The following FYB1 variants were observed in gnomAD, a reference collection of about 807,000 sequenced individuals.
FYB1 encodes the protein FYN-binding protein 1.
Under a neutral mutation model 94.1 loss-of-function variants are expected in FYB1, and 41 were observed. That is an observed-to-expected ratio of 0.44 (90% confidence interval 0.34 to 0.57). FYB1 has a LOEUF of 0.57. Ranked by LOEUF, FYB1 falls within the 20% of genes least tolerant of loss-of-function variation. The pLI, the probability that FYB1 is intolerant of heterozygous loss-of-function variation, is 0.02. For synonymous variants in FYB1, 367 were observed against 353.2 expected, an observed-to-expected ratio of 1.04 and a Z score of -0.44; for missense variants, 1,050 against 976.8, an observed-to-expected ratio of 1.07 and a Z score of -1.00.
intron 12 of FYB1, 96 bp downstream of exon 12, chr5:39,125,902 C>T: frequency 8.3e-7 from 1 of 1,211,716 alleles, no homozygotes; most frequent in Non-Finnish European, 1.1e-6. Context: ...TTAAGTCTAT[C>T]AGAATTTGGT....
chr5:39,223,240 T>G (rs1326348511), upstream of FYB1, among the ~76,000 whole-genome samples: 1 of 152,182 alleles, frequency 6.6e-6, no homozygotes, highest in East Asian at 1.9e-4. Context: ...GGAGAATTAA[T>G]GTAAGACTTT....
intron 1 of FYB1, among the ~76,000 whole-genome samples, chr5:39,258,645 A>G (rs1322868730): frequency 1.3e-5 from 2 of 152,122 alleles, no homozygotes; most frequent in Non-Finnish European, 2.9e-5. Flanking sequence ...ACAAAAACCC[A>G]GAAGATATGG....
At chr5:39,209,309 G>C (rs1028747707) in intron 1 of FYB1, among the ~76,000 whole-genome samples, 3 of 148,184 alleles carry the variant, frequency 2.0e-5, no homozygotes, top group Non-Finnish European at 3.0e-5. Flanking sequence ...TTTTTATCCC[G>C]ATTAACACTG....
intron 3 of FYB1, among the ~76,000 whole-genome samples, chr5:39,145,922 C>CT (rs200987059): frequency 0.069 from 9,747 of 140,400 alleles, 430 homozygotes; most frequent in East Asian, 0.21. Flanking sequence ...CTTTTTTTTT[C>CT]TTTTTTTTAA....
intron 1 of FYB1, among the ~76,000 whole-genome samples, chr5:39,244,597 TTC>T (rs1751383227): frequency 7.1e-6 from 1 of 140,838 alleles, no homozygotes. Context: ...TGGTCTAAAA[TTC>T]TCTTTTTTTG....
At chr5:39,146,764 T>G (rs937409851) in intron 3 of FYB1, among the ~76,000 whole-genome samples, 6 of 152,224 alleles carry the variant, frequency 3.9e-5, no homozygotes, top group Non-Finnish European at 8.8e-5. Flanking sequence ...TTGTTTTATT[T>G]ATGGACCCAA....
chr5:39,126,138 T>C lies in FYB1; in HGVS notation c.1908-3A>G. On this transcript the variant is annotated splice_region_variant and splice_polypyrimidine_tract_variant and intron_variant, in intron 11 of 18. Transcript: ENST00000512982. ...TCTCTTGAACCTGTAGTGTGGAGCT[T>C]TGGAGCATGCAGGCATTGATCAGAA... 6.2e-7 allele frequency: 1 copy of C among 1,613,044 alleles called. No individual in the cohort carries two copies. Among genetic ancestry groups the C allele is most frequent in the Non-Finnish European group, 8.5e-7 (1 of 1,179,476 alleles).
At chr5:39,173,934 T>C (rs899543316) in intron 2 of FYB1, among the ~76,000 whole-genome samples, 10 of 152,218 alleles carry the variant, frequency 6.6e-5, no homozygotes, top group African/African-American at 2.4e-4. Flanking sequence ...AGTCTTTTTT[T>C]TGATTCCAGA....
Position 39,139,222 on chromosome 5 carries a change from A to G in FYB1, c.1359+11T>C. 6.8e-7 allele frequency: 1 copy of G among 1,464,886 alleles called. No individual in the cohort carries two copies. Among genetic ancestry groups the G allele is most frequent in the Non-Finnish European group, 9.2e-7 (1 of 1,083,854 alleles). 90.7% of individuals were successfully genotyped at this position (1,464,886 alleles called of 1,614,324 possible). ...ATGTCAATATAATATGAGAAGAGAA[A>G]AAAATCTGACCTCATCTAGATTTCC... is the stretch of plus-strand genomic sequence containing the variant. On this transcript the variant is annotated intron_variant, in intron 5 of 18. Transcript: ENST00000512982.
chr5:39,185,899 C>T (rs531558850), intron 2 of FYB1, among the ~76,000 whole-genome samples: 1 of 152,144 alleles, frequency 6.6e-6, no homozygotes, highest in East Asian at 1.9e-4. Context: ...CAGCCGGGCA[C>T]TTTTGACTTC....
At chr5:39,108,335 A>G in intron 17 of FYB1, 73 bp from the exon 18 acceptor site, 1 of 1,272,558 alleles carries the variant, frequency 7.9e-7, no homozygotes, top group Non-Finnish European at 1.1e-6. Context: ...ATAGAAGAAT[A>G]GAGTAACAGT....
At chr5:39,222,009 AAAAT>A (rs997973463), upstream of FYB1, among the ~76,000 whole-genome samples, 1 of 152,054 alleles carries the variant, frequency 6.6e-6, no homozygotes, top group Non-Finnish European at 1.5e-5. Flanking sequence ...TCTCAAAAAT[AAAAT>A]AAAATAAAAT....
Position 39,266,546 on chromosome 5 carries a change from A to C in FYB1, c.-28+7857T>G, listed in dbSNP as rs946176369. Among the ~76,000 whole-genome samples, 3 of 152,178 alleles carry C rather than the reference A, an allele frequency of 2.0e-5. No homozygotes were observed. In the East Asian group the frequency reaches 5.8e-4, roughly 29 times the overall value. On this transcript the variant is annotated intron_variant, in intron 1 of 1. Transcript: ENST00000510188. ...TAAGTTACAGGGAAAGGGCAATAAA[A>C]CGTGAATTTCCTTATAACCACTTGG...
chr5:39,270,827 G>C (rs1196410757), intron 1 of FYB1: 3 of 408,712 alleles, frequency 7.3e-6, no homozygotes, highest in Non-Finnish European at 1.3e-5. Context: ...TAGCTTTGAA[G>C]ACTGAAAAAT....
intron 1 of FYB1, among the ~76,000 whole-genome samples, chr5:39,218,966 T>C (rs1013610637): frequency 2.6e-5 from 4 of 152,218 alleles, no homozygotes; most frequent in African/African-American, 9.6e-5. Flanking sequence ...TTAGTCTATG[T>C]AGAAATCTCA....
At chr5:39,199,392 A>G (rs1748117513) in intron 2 of FYB1, among the ~76,000 whole-genome samples, 1 of 152,194 alleles carries the variant, frequency 6.6e-6, no homozygotes, top group African/African-American at 2.4e-5. Flanking sequence ...CTTTGTGTTC[A>G]GAAAATAAAT....
At chr5:39,213,953 C>A (rs1284844262) in intron 1 of FYB1, among the ~76,000 whole-genome samples, 3 of 152,106 alleles carry the variant, frequency 2.0e-5, no homozygotes, top group African/African-American at 7.2e-5. Context: ...TGGCAAAAAT[C>A]AGATTGATAA....
At chr5:39,176,041 C>T (rs1049809253) in intron 2 of FYB1, among the ~76,000 whole-genome samples, 2 of 151,458 alleles carry the variant, frequency 1.3e-5, no homozygotes, top group African/African-American at 2.4e-5. Context: ...TCCTCAAATA[C>T]AGCCTCCCTT....
At chr5:39,172,632 T>C (rs1745352650) in intron 2 of FYB1, among the ~76,000 whole-genome samples, 1 of 152,144 alleles carries the variant, frequency 6.6e-6, no homozygotes, top group South Asian at 2.1e-4. Context: ...CCAGGGTCTA[T>C]TGTTCTCATC....
Sources: allele counts gnomAD v4.1 joint callset (sites outside exome capture counted in the v4.1 genomes callset), GRCh38; gene constraint gnomAD v4.1.1; transcripts MANE v1.5; gene names NCBI Gene and HGNC (gene_info 2026-07-23, HGNC 2026-07-21).